ZFP91: variants seen among roughly 807,000 people sequenced by gnomAD.
ZFP91 encodes the protein ZFP91 zinc finger protein, atypical E3 ubiquitin ligase, also known as E3 ubiquitin-protein ligase ZFP91.
ZFP91 carries 7 observed loss-of-function variants against 63.5 expected under a neutral mutation model. The ratio of observed to expected loss-of-function variants is 0.11; its 90% confidence interval spans 0.06 to 0.21. ZFP91 has a LOEUF of 0.21. Among genes scored for constraint, ZFP91 ranks in the 10% least tolerant of loss-of-function variants. ZFP91 has a pLI of 1.00. For missense variants in ZFP91, 628 were observed against 736.6 expected (o/e 0.85, Z 1.71); for synonymous variants, 330 against 272.1 (o/e 1.21, Z -2.10).
chr11:58,579,288 G>C lies in ZFP91; in HGVS notation c.7G>C (p.Gly3Arg), dbSNP rs1855037250. 6.9e-7 allele frequency: 1 copy of C among 1,457,618 alleles called. No individual in the cohort carries two copies. The highest frequency in any genetic ancestry group is 1.3e-5 in the South Asian group (1 of 74,196). The allele number at this position is 1,457,618 out of a possible 1,614,324, so 90.3% of individuals were successfully genotyped here. The change falls in exon 1 of 11, where the codon GGG becomes CGG. Residue 3 changes from glycine to arginine, a missense_variant. By Grantham distance (125) the Gly-to-Arg change is moderately radical (BLOSUM62 -2). Transcript: ENST00000316059. Reference protein sequence around the residue: MPGETEEPRPPEQ... With the variant: MPRETEEPRPPEQ... ...GGGGGACGGACAAGCCCCGATGCCG[G>C]GGGAGACGGAAGAGCCGAGACCCCC...
intron 1 of ZFP91, 94 bp downstream of exon 1, chr11:58,579,716 G>C: frequency 8.2e-7 from 1 of 1,224,436 alleles, no homozygotes; most frequent in Non-Finnish European, 1.1e-6. Context: ...GTGACATCCT[G>C]CCTGGTCTGC....
intron 2 of ZFP91, among the ~76,000 whole-genome samples, chr11:58,589,911 T>C (rs777622996): frequency 6.6e-6 from 1 of 152,246 alleles, no homozygotes; most frequent in Non-Finnish European, 1.5e-5. Context: ...ATTTCAGTTA[T>C]GGGATTACCT....
chr11:58,616,931 A>G, intron 10 of ZFP91, 116 bp downstream of exon 10: 2 of 1,026,088 alleles, frequency 1.9e-6, no homozygotes, highest in Admixed American at 2.2e-5. Flanking sequence ...CAAATAAATG[A>G]GTGGATATTG....
At chr11:58,601,792 C>G (rs1404976469) in intron 2 of ZFP91, among the ~76,000 whole-genome samples, 1 of 152,042 alleles carries the variant, frequency 6.6e-6, no homozygotes, top group Non-Finnish European at 1.5e-5. Flanking sequence ...TGTTAATTTT[C>G]ATGTATTTGT....
intron 1 of ZFP91, among the ~76,000 whole-genome samples, chr11:58,582,830 A>G (rs1260599658): frequency 6.6e-6 from 1 of 152,160 alleles, no homozygotes; most frequent in Non-Finnish European, 1.5e-5. Flanking sequence ...GGTTATTGGG[A>G]AGAGGAAATA....
Position 58,619,028 on chromosome 11 carries a change from C to T in ZFP91, c.*1322C>T, listed in dbSNP as rs568136284. 16 of 202,304 alleles carry T rather than the reference C, an allele frequency of 7.9e-5. 1 individual carries two copies. The South Asian group carries it at 1.2e-3, about 15-fold the overall frequency. 12.5% of individuals were successfully genotyped at this position (202,304 alleles called of 1,614,324 possible). A position where few individuals can be genotyped will look rare whatever the true frequency, so the allele number is the denominator to read the frequency against. ...CTGGCTCCTTGCTTTTTGTTTCTTG[C>T]TTTGCTTTATCAGTTCATTCCAGCT... On this transcript the variant is annotated 3_prime_UTR_variant, in exon 11 of 11. Transcript: ENST00000316059.
At chr11:58,591,059 G>T (rs781443921) in intron 2 of ZFP91, among the ~76,000 whole-genome samples, 36 of 152,052 alleles carry the variant, frequency 2.4e-4, no homozygotes, top group Non-Finnish European at 5.1e-4. Context: ...TGGACCCAGG[G>T]TGAGCCCAAT....
In ZFP91 at chr11:58,590,483, T is replaced by C. The variant is rs534071445; in HGVS notation, c.370+5599T>C. Among the ~76,000 whole-genome samples the C allele has an allele frequency of 2.6e-5, 4 of 152,328 alleles. No individual in the cohort carries two copies. In the South Asian group the frequency reaches 6.2e-4, roughly 24 times the overall value. On this transcript the variant is annotated intron_variant, in intron 2 of 10. Coordinates refer to ENST00000316059, the MANE Select transcript of ZFP91 (RefSeq NM_053023.5). The stretch of plus-strand genomic sequence containing the variant: ...CAGTGTTCCAAAATCCTGAAGGCAG[T>C]AACTGCAAGGTGTCTTGAAACCACC...
rs1855813570 is a variant in ZFP91, at chr11:58,619,643, T to A, written c.*1937T>A. On this transcript the variant is annotated 3_prime_UTR_variant, in exon 11 of 11. Transcript: ENST00000316059. ...ATTTGGGATGCCAGGGAACAGAGAGTGAGACACCTACAATCACCAGTCTCA... is the reference window on the plus strand; with the variant it reads ...ATTTGGGATGCCAGGGAACAGAGAGAGAGACACCTACAATCACCAGTCTCA... 6.6e-6 allele frequency: 1 copy of A among 152,570 alleles called. No individual in the cohort carries two copies. The highest frequency in any genetic ancestry group is 1.5e-5 in the Non-Finnish European group (1 of 68,030). The allele number at this position is 152,570 out of a possible 1,614,324, so 9.5% of individuals were successfully genotyped here. A position where few individuals can be genotyped will look rare whatever the true frequency, so the allele number is the denominator to read the frequency against.
intron 2 of ZFP91, among the ~76,000 whole-genome samples, chr11:58,593,217 T>C (rs999931926): frequency 6.6e-6 from 1 of 152,194 alleles, no homozygotes; most frequent in Non-Finnish European, 1.5e-5. Context: ...GCTAAGTTGG[T>C]GTGTGTTCTA....
At chr11:58,614,809 A>G (rs7123874) in intron 9 of ZFP91, among the ~76,000 whole-genome samples, 4,032 of 152,264 alleles carry the variant, frequency 0.026, 181 homozygotes, top group African/African-American at 0.092. Context: ...ATTTGCATGT[A>G]AACTCCCATA....
chr11:58,579,385 A>T lies in ZFP91; in HGVS notation c.104A>T (p.Glu35Val), dbSNP rs746026763. The T allele has an allele frequency of 1.4e-5, 21 of 1,480,338 alleles. No individual in the cohort carries two copies. The South Asian group carries it at 2.4e-4, about 17-fold the overall frequency. 91.7% of individuals were successfully genotyped at this position (1,480,338 alleles called of 1,614,324 possible). Residue 35 changes from glutamate to valine, a missense_variant, in exon 1 of 11, where the codon GAG becomes GTG. By Grantham distance (121) the Glu-to-Val change is moderately radical. Around this residue, in one of 3 missense-constraint regions of ZFP91, gnomAD observed 437 missense variants for 380.3 expected, o/e 1.15. Transcript: ENST00000316059. ...GAGGAGCCCCAACAACGGCCCCCTG[A>T]GGCGGTCGCGGCGGCGCCTGCAGGG... ...APEEPQQRPP[E>V]AVAAAPAGTT...
At chr11:58,587,676 A>G (rs982984539) in intron 2 of ZFP91, among the ~76,000 whole-genome samples, 4 of 152,108 alleles carry the variant, frequency 2.6e-5, no homozygotes, top group Non-Finnish European at 5.9e-5. Flanking sequence ...TACTTTGATT[A>G]TAAAGTAAAA....
At chr11:58,614,188 TA>T in intron 8 of ZFP91, 40 bp from the exon 9 acceptor site, 1 of 1,366,092 alleles carries the variant, frequency 7.3e-7, no homozygotes, top group Non-Finnish European at 1.0e-6. Context: ...CAGGAAGCCT[TA>T]ATTTTTTTTT....
chr11:58,587,904 T>C (rs1855238241), intron 2 of ZFP91, among the ~76,000 whole-genome samples: 1 of 152,138 alleles, frequency 6.6e-6, no homozygotes, highest in Admixed American at 6.5e-5. Flanking sequence ...TTTTAAATGT[T>C]TAATGGAATG....
chr11:58,615,211 A>G (rs1855730501), intron 9 of ZFP91, among the ~76,000 whole-genome samples: 1 of 152,218 alleles, frequency 6.6e-6, no homozygotes, highest in Non-Finnish European at 1.5e-5. Context: ...AGCCTGGCAC[A>G]ATACCAGGAT....
chr11:58,613,819 A>G (rs1295923327), intron 8 of ZFP91, among the ~76,000 whole-genome samples: 1 of 152,194 alleles, frequency 6.6e-6, no homozygotes, highest in African/African-American at 2.4e-5. Flanking sequence ...AGCAACAAAT[A>G]TAACATGACA....
intron 2 of ZFP91, among the ~76,000 whole-genome samples, chr11:58,591,964 T>C (rs1855314331): frequency 6.6e-6 from 1 of 152,164 alleles, no homozygotes; most frequent in Non-Finnish European, 1.5e-5. Context: ...GGTTTGGTTT[T>C]CAGCAATCTC....
In ZFP91 at chr11:58,620,753, TG is replaced by T. The variant is rs1283460067; in HGVS notation, c.*3048del. 2 of 152,670 alleles carry T rather than the reference TG, an allele frequency of 1.3e-5. No homozygotes were observed. The highest frequency in any genetic ancestry group is 2.4e-5 in the African/African-American group (1 of 41,458). 9.5% of individuals were successfully genotyped at this position (152,670 alleles called of 1,614,324 possible). A position where few individuals can be genotyped will look rare whatever the true frequency, so the allele number is the denominator to read the frequency against. On this transcript the variant is annotated 3_prime_UTR_variant, in exon 11 of 11. Coordinates refer to ENST00000316059, the MANE Select transcript of ZFP91 (RefSeq NM_053023.5). Reference sequence around the variant, plus strand: ...TTGAAATACCATTTTTTTCTCCTTTTGTGTTTTTCCCACTTTCCAATGTACT... The same window carrying T: ...TTGAAATACCATTTTTTTCTCCTTTTTGTTTTTCCCACTTTCCAATGTACT...
Sources: allele counts gnomAD v4.1 joint callset (sites outside exome capture counted in the v4.1 genomes callset), GRCh38; gene constraint gnomAD v4.1.1; regional missense constraint gnomAD v4.1.1; transcripts MANE v1.5; gene names NCBI Gene and HGNC (gene_info 2026-07-23, HGNC 2026-07-21).